Variants in VWC2L observed in about 807,000 individuals in gnomAD.
The protein encoded by VWC2L is von Willebrand factor C domain containing 2 like.
In VWC2L, 10 loss-of-function variants were observed where a neutral mutation model predicts 21.6. That is an observed-to-expected ratio of 0.46 (90% confidence interval 0.29 to 0.78). The LOEUF (loss-of-function observed/expected upper bound fraction) is 0.78, where lower values mean the gene tolerates loss of function less well. Among genes scored for constraint, VWC2L ranks in the 30% least tolerant of loss-of-function variants. VWC2L has a pLI of 0.10. For synonymous variants in VWC2L, 96 were observed against 94.3 expected (o/e 1.02, Z -0.10); for missense variants, 209 against 277.1 (o/e 0.75, Z 1.74).
intron 3 of VWC2L, among the ~76,000 whole-genome samples, chr2:214,528,665 A>T (rs1283268659): frequency 6.6e-6 from 1 of 152,140 alleles, no homozygotes; most frequent in Non-Finnish European, 1.5e-5. Context: ...AGATCACTAC[A>T]GAGCAAAGCA....
intron 3 of VWC2L, among the ~76,000 whole-genome samples, chr2:214,539,321 G>A (rs1372885432): frequency 6.6e-6 from 1 of 152,078 alleles, no homozygotes; most frequent in African/African-American, 2.4e-5. Context: ...AAATTACTTT[G>A]ATAACACTTT....
chr2:214,464,176 A>G (rs897702442), intron 3 of VWC2L, among the ~76,000 whole-genome samples: 4 of 151,796 alleles, frequency 2.6e-5, no homozygotes, highest in Non-Finnish European at 5.9e-5. Context: ...TCATTTGTTG[A>G]GGTCATGTTA....
intron 3 of VWC2L, among the ~76,000 whole-genome samples, chr2:214,515,553 T>A (rs548705674): frequency 8.9e-4 from 136 of 152,194 alleles, no homozygotes; most frequent in African/African-American, 3.1e-3. Context: ...TTATTTATTT[T>A]ATTTATTTAT....
chr2:214,462,488 GTTCT>G (rs1288553208), intron 3 of VWC2L, among the ~76,000 whole-genome samples: 1 of 152,190 alleles, frequency 6.6e-6, no homozygotes, highest in Non-Finnish European at 1.5e-5. Flanking sequence ...TGCAGTATCG[GTTCT>G]TTGTGGAGGA....
intron 2 of VWC2L, among the ~76,000 whole-genome samples, chr2:214,422,298 T>G (rs984665327): frequency 8.5e-6 from 1 of 117,288 alleles, no homozygotes; most frequent in African/African-American, 3.3e-5. Flanking sequence ...CATGCATTAA[T>G]TTGTGTGTGT....
At chr2:214,419,715 C>T (rs6728732) in intron 2 of VWC2L, among the ~76,000 whole-genome samples, 35,248 of 151,968 alleles carry the variant, frequency 0.23, 4,986 homozygotes, top group African/African-American at 0.4. Context: ...ATTCTATATT[C>T]GAAAGGTGCG....
chr2:214,509,107 G>A (rs889583318), intron 3 of VWC2L, among the ~76,000 whole-genome samples: 2 of 151,966 alleles, frequency 1.3e-5, no homozygotes, highest in African/African-American at 4.8e-5. Flanking sequence ...TGCTCCAGAT[G>A]CACACAGGCT....
chr2:214,522,518 T>G (rs1689261278), intron 3 of VWC2L, among the ~76,000 whole-genome samples: 1 of 152,082 alleles, frequency 6.6e-6, no homozygotes, highest in Non-Finnish European at 1.5e-5. Flanking sequence ...GTACAGAAGA[T>G]GTTTCGTTAC....
chr2:214,497,953 C>T (rs1369118763), intron 3 of VWC2L, among the ~76,000 whole-genome samples: 1 of 152,158 alleles, frequency 6.6e-6, no homozygotes, highest in Non-Finnish European at 1.5e-5. Flanking sequence ...ATCTCTGTGG[C>T]TTGGCCAAAT....
intron 3 of VWC2L, among the ~76,000 whole-genome samples, chr2:214,453,449 G>T (rs1398030683): frequency 6.6e-6 from 1 of 152,048 alleles, no homozygotes; most frequent in African/African-American, 2.4e-5. Context: ...AGCTGTTCTA[G>T]GTTCTTTGAT....
chr2:214,425,448 T>C (rs946510187), intron 2 of VWC2L, among the ~76,000 whole-genome samples: 4 of 152,252 alleles, frequency 2.6e-5, no homozygotes, highest in Admixed American at 2.6e-4. Flanking sequence ...CTTTGCTCTT[T>C]GCACTGATGT....
intron 3 of VWC2L, among the ~76,000 whole-genome samples, chr2:214,497,192 T>C (rs1348354005): frequency 7.8e-6 from 1 of 127,808 alleles, no homozygotes; most frequent in Admixed American, 8.8e-5. Context: ...AACATTTTTA[T>C]TTGATAGTGT....
At chr2:214,531,121 G>C (rs1689427486) in intron 3 of VWC2L, among the ~76,000 whole-genome samples, 1 of 152,098 alleles carries the variant, frequency 6.6e-6, no homozygotes, top group Non-Finnish European at 1.5e-5. Context: ...AGGTTGAAAA[G>C]GAAAGTGGCT....
At chr2:214,480,066 TAG>T (rs1688581514) in intron 3 of VWC2L, among the ~76,000 whole-genome samples, 1 of 152,170 alleles carries the variant, frequency 6.6e-6, no homozygotes, top group South Asian at 2.1e-4. Context: ...ATAAGTAATA[TAG>T]AGATTATTTA....
intron 3 of VWC2L, among the ~76,000 whole-genome samples, chr2:214,462,360 G>C (rs1182088432): frequency 6.6e-6 from 1 of 152,200 alleles, no homozygotes; most frequent in Non-Finnish European, 1.5e-5. Context: ...CTTCTAGCCA[G>C]TCCCAGCCTG....
At chr2:214,443,129 C>T in intron 3 of VWC2L, among the ~76,000 whole-genome samples, 1 of 151,910 alleles carries the variant, frequency 6.6e-6, no homozygotes, top group Non-Finnish European at 1.5e-5. Flanking sequence ...ACCTATAATC[C>T]CAGCACATTG....
chr2:214,486,845 A>G (rs1188515747), intron 3 of VWC2L, among the ~76,000 whole-genome samples: 1 of 152,218 alleles, frequency 6.6e-6, no homozygotes, highest in Non-Finnish European at 1.5e-5. Context: ...CATAGCTTCC[A>G]AGGAAACCAC....
intron 3 of VWC2L, among the ~76,000 whole-genome samples, chr2:214,496,573 T>C (rs1472866850): frequency 1.3e-5 from 2 of 152,174 alleles, no homozygotes; most frequent in Non-Finnish European, 2.9e-5. Flanking sequence ...TCATCCACAT[T>C]GGGGTTTTAT....
rs1036978950 is a variant in VWC2L at position 214,578,737 on chromosome 2, G to T, written c.*2917G>T. The T allele has an allele frequency of 3.3e-5, 5 of 151,858 alleles. No homozygotes were observed. Among genetic ancestry groups the T allele is most frequent in the African/African-American group, 1.2e-4 (5 of 41,344 alleles). The allele number at this position is 151,858 out of a possible 1,614,324, so 9.4% of individuals were successfully genotyped here. On this transcript the variant is annotated 3_prime_UTR_variant, in exon 4 of 4. Coordinates refer to ENST00000312504, the MANE Select transcript of VWC2L (RefSeq NM_001080500.4). ...TATTTCTCCTCCGCCTTTGGTTCTC[G>T]GCTTTAACAACAGCTATGTTAAAAT...
Sources: gnomAD v4.1 joint callset for allele counts (sites outside exome capture counted in the v4.1 genomes callset) on GRCh38, gnomAD v4.1.1 for gene constraint, MANE v1.5 for transcripts, NCBI Gene and HGNC (gene_info 2026-07-23, HGNC 2026-07-21) for gene names.